The following ADGRB3 variants were observed in gnomAD, a reference collection of about 807,000 sequenced individuals.
ADGRB3 encodes the protein adhesion G protein-coupled receptor B3.
Under a neutral mutation model 193.4 loss-of-function variants are expected in ADGRB3, and 37 were observed. That is an observed-to-expected ratio of 0.19 (90% CI 0.15 to 0.25). The LOEUF is 0.25. Ranked by LOEUF, ADGRB3 falls within the 10% of genes least tolerant of loss-of-function variation. ADGRB3 has a pLI of 1.00. For synonymous variants in ADGRB3, 690 were observed against 644.2 expected, an observed-to-expected ratio of 1.07 and a Z score of -1.08; for missense variants, 1,637 against 1,852.9, an observed-to-expected ratio of 0.88 and a Z score of 2.14.
chr6:68,729,417 A>C (rs1404731062), intron 3 of ADGRB3, among the ~76,000 whole-genome samples: 1 of 151,710 alleles, frequency 6.6e-6, no homozygotes, highest in Non-Finnish European at 1.5e-5. Flanking sequence ...CAAGATAAAC[A>C]GAAAGAGTGC....
At chr6:68,751,469 A>T (rs984361564) in intron 3 of ADGRB3, among the ~76,000 whole-genome samples, 12 of 152,232 alleles carry the variant, frequency 7.9e-5, no homozygotes, top group African/African-American at 2.4e-4. Flanking sequence ...AAATGAAATG[A>T]AATAAAACAT....
Position 68,659,341 on chromosome 6 carries a change from A to G in ADGRB3, c.757+19909A>G, listed in dbSNP as rs1768567657. 2.7e-5 allele frequency among the ~76,000 whole-genome samples: 4 copies of G among 150,776 alleles called. No homozygotes were observed. The South Asian group carries it at 8.3e-4, about 31-fold the overall frequency. On this transcript the variant is annotated intron_variant, in intron 3 of 31. Transcript: ENST00000370598. ...ACTTCATTTTTTCTAAAAAAAAAAG[A>G]CAATTCAGAGAACTTATGTAGGTCA...
chr6:68,979,013 C>G (rs1462802073), intron 10 of ADGRB3, among the ~76,000 whole-genome samples: 2 of 151,140 alleles, frequency 1.3e-5, no homozygotes, highest in East Asian at 3.9e-4. Context: ...TGTGTATGTT[C>G]TATGAACTCT....
intron 31 of ADGRB3, among the ~76,000 whole-genome samples, chr6:69,386,160 T>C (rs1472634444): frequency 6.6e-6 from 1 of 152,096 alleles, no homozygotes; most frequent in East Asian, 1.9e-4. Context: ...ATTCAATAGG[T>C]CATGTAGTGA....
chr6:68,967,412 T>G (rs1478481877), intron 8 of ADGRB3, among the ~76,000 whole-genome samples: 1 of 152,082 alleles, frequency 6.6e-6, no homozygotes, highest in Non-Finnish European at 1.5e-5. Context: ...GTAGGGCACA[T>G]TGGGGGATTC....
chr6:69,257,782 G>C (rs1217881761), intron 20 of ADGRB3, among the ~76,000 whole-genome samples: 1 of 152,174 alleles, frequency 6.6e-6, no homozygotes, highest in East Asian at 1.9e-4. Context: ...TTTCAGTGCA[G>C]ATTCTCCCCT....
At position 69,084,555 on chromosome 6, in the gene ADGRB3, C is replaced by A. The variant is rs182609710; in HGVS notation, c.2480+8517C>A. On this transcript the variant is annotated intron_variant, in intron 17 of 31. Transcript: ENST00000370598. ...TATGAATAATGATCTGGAAAGACAACAATTTTAAAATAAATAATATTTTTC... is the reference window on the plus strand; with the variant it reads ...TATGAATAATGATCTGGAAAGACAAAAATTTTAAAATAAATAATATTTTTC... 2.5e-3 allele frequency among the ~76,000 whole-genome samples: 377 copies of A among 152,108 alleles called. 4 individuals are homozygous for A. The highest frequency in any genetic ancestry group is 6.6e-3 in the African/African-American group (272 of 41,506).
At chr6:69,168,381 A>G (rs1775184183) in intron 17 of ADGRB3, among the ~76,000 whole-genome samples, 1 of 152,176 alleles carries the variant, frequency 6.6e-6, no homozygotes, top group South Asian at 2.1e-4. Flanking sequence ...AAAAAGCAAC[A>G]AATAAAGTTA....
At chr6:68,886,347 A>C (rs1329300323) in intron 3 of ADGRB3, among the ~76,000 whole-genome samples, 1 of 152,082 alleles carries the variant, frequency 6.6e-6, no homozygotes, top group Non-Finnish European at 1.5e-5. Context: ...CTTTAATGTA[A>C]TTCTTCATAT....
intron 20 of ADGRB3, among the ~76,000 whole-genome samples, chr6:69,264,633 A>C (rs1317182245): frequency 4.0e-5 from 6 of 151,790 alleles, no homozygotes; most frequent in Admixed American, 3.9e-4. Context: ...TTCTCGCTCT[A>C]GGTCTTCTCA....
chr6:69,385,581 T>C (rs557911754), intron 31 of ADGRB3, among the ~76,000 whole-genome samples: 1 of 152,262 alleles, frequency 6.6e-6, no homozygotes, highest in South Asian at 2.1e-4. Flanking sequence ...GAATTTATGA[T>C]GTTTTAGCCT....
intron 3 of ADGRB3, among the ~76,000 whole-genome samples, chr6:68,641,574 A>G (rs532625251): frequency 1.7e-4 from 26 of 152,314 alleles, no homozygotes; most frequent in South Asian, 1.7e-3. Context: ...AACATATGCT[A>G]TGTCAGTAAA....
chr6:68,892,199 A>G (rs1766097246), intron 3 of ADGRB3, among the ~76,000 whole-genome samples: 1 of 150,930 alleles, frequency 6.6e-6, no homozygotes, highest in Admixed American at 6.6e-5. Flanking sequence ...TCTCTAAACT[A>G]TAGTTTGGAA....
chr6:68,747,131 A>G (rs1582168321), intron 3 of ADGRB3, among the ~76,000 whole-genome samples: 1 of 152,238 alleles, frequency 6.6e-6, no homozygotes, highest in Admixed American at 6.5e-5. Context: ...AATGCATGAA[A>G]TTATATATTC....
At chr6:69,052,661 ACT>A (rs1771433806) in intron 15 of ADGRB3, among the ~76,000 whole-genome samples, 1 of 152,154 alleles carries the variant, frequency 6.6e-6, no homozygotes, top group Admixed American at 6.5e-5. Context: ...TTGCATGTTG[ACT>A]CTCTCTTTTA....
chr6:68,665,526 G>A (rs1314344589), intron 3 of ADGRB3, among the ~76,000 whole-genome samples: 4 of 151,784 alleles, frequency 2.6e-5, no homozygotes, highest in African/African-American at 9.7e-5. Context: ...AACAATAACA[G>A]TGCCTATTGC....
chr6:68,983,725 TAGAC>T (rs556117433), intron 10 of ADGRB3, among the ~76,000 whole-genome samples: 4 of 152,008 alleles, frequency 2.6e-5, no homozygotes, highest in African/African-American at 9.6e-5. Flanking sequence ...TAAATATAAA[TAGAC>T]AGGAGATGCG....
At chr6:68,952,292 T>C (rs1767948639) in intron 6 of ADGRB3, among the ~76,000 whole-genome samples, 1 of 152,098 alleles carries the variant, frequency 6.6e-6, no homozygotes, top group Admixed American at 6.6e-5. Flanking sequence ...TAAAACAATG[T>C]CTCATATTTG....
intron 20 of ADGRB3, among the ~76,000 whole-genome samples, chr6:69,307,508 A>G (rs1427502786): frequency 6.6e-6 from 1 of 151,660 alleles, no homozygotes; most frequent in East Asian, 1.9e-4. Flanking sequence ...AAGTTTCATT[A>G]TAAGCATAGC....
Sources: gnomAD v4.1 joint callset for allele counts (sites outside exome capture counted in the v4.1 genomes callset) on GRCh38, gnomAD v4.1.1 for gene constraint, MANE v1.5 for transcripts, NCBI Gene and HGNC (gene_info 2026-07-23, HGNC 2026-07-21) for gene names.